The following POFUT3 variants were observed in gnomAD, a reference collection of about 807,000 sequenced individuals.
The protein encoded by POFUT3 is GDP-fucose protein O-fucosyltransferase 3.
the POFUT3 span, among the ~76,000 whole-genome samples, chr8:33,328,381 C>CA: frequency 7.3e-6 from 1 of 137,416 alleles, no homozygotes; most frequent in African/African-American, 2.7e-5. Flanking sequence ...AAAACAAAAA[C>CA]AAAAAACAAA....
the POFUT3 span, among the ~76,000 whole-genome samples, chr8:33,331,663 T>TTTGTTG: frequency 2.4e-4 from 36 of 151,414 alleles, no homozygotes; most frequent in African/African-American, 6.5e-4. Context: ...CTCTAAAGAT[T>TTTGTTG]TTGTTGTTGT....
At chr8:33,389,247 T>G in the POFUT3 span, 1 of 1,614,136 alleles carries the variant, frequency 6.2e-7, no homozygotes, top group Non-Finnish European at 8.5e-7. Flanking sequence ...TCTGTGATGC[T>G]GGGGGATCCG....
the POFUT3 span, among the ~76,000 whole-genome samples, chr8:33,450,461 A>G: frequency 1.3e-5 from 2 of 152,256 alleles, no homozygotes; most frequent in Non-Finnish European, 2.9e-5. Context: ...TTATTCTGAC[A>G]GGACAAATAC....
the POFUT3 span, among the ~76,000 whole-genome samples, chr8:33,451,283 A>C: frequency 6.6e-6 from 1 of 152,128 alleles, no homozygotes; most frequent in Admixed American, 6.6e-5. Context: ...TGGTGCTCAG[A>C]AAGTTTTGGA....
At chr8:33,314,121 C>G in the POFUT3 span, among the ~76,000 whole-genome samples, 2 of 152,098 alleles carry the variant, frequency 1.3e-5, no homozygotes, top group Non-Finnish European at 2.9e-5. Context: ...CCTATTTTTT[C>G]CCTGCTAATG....
At chr8:33,343,883 T>A in the POFUT3 span, among the ~76,000 whole-genome samples, 6 of 152,226 alleles carry the variant, frequency 3.9e-5, no homozygotes, top group Non-Finnish European at 8.8e-5. Flanking sequence ...TGTGTTCTCC[T>A]CTCATATGGC....
At chr8:33,347,445 AT>A in the POFUT3 span, among the ~76,000 whole-genome samples, 1 of 152,224 alleles carries the variant, frequency 6.6e-6, no homozygotes, top group African/African-American at 2.4e-5. Flanking sequence ...GATGCATTGA[AT>A]TTGAGGCATT....
the POFUT3 span, among the ~76,000 whole-genome samples, chr8:33,401,483 A>C: frequency 6.6e-6 from 1 of 152,218 alleles, no homozygotes; most frequent in Non-Finnish European, 1.5e-5. Flanking sequence ...TGTCGATTTC[A>C]GAGACATTCA....
the POFUT3 span, among the ~76,000 whole-genome samples, chr8:33,448,864 G>T: frequency 6.6e-6 from 1 of 151,856 alleles, no homozygotes; most frequent in Non-Finnish European, 1.5e-5. Flanking sequence ...AATCTGGGAG[G>T]CGGAGGTTTC....
chr8:33,448,225 A>AG, the POFUT3 span, among the ~76,000 whole-genome samples: 1 of 103,800 alleles, frequency 9.6e-6, no homozygotes, highest in Non-Finnish European at 2.3e-5. Context: ...AAGCACCTGT[A>AG]GTCCCAGCTA....
chr8:33,325,147 T>G, the POFUT3 span, among the ~76,000 whole-genome samples: 2 of 152,216 alleles, frequency 1.3e-5, no homozygotes, highest in East Asian at 3.8e-4. Flanking sequence ...TCTATCCTGG[T>G]GCCCACATCC....
At chr8:33,350,442 C>T in the POFUT3 span, among the ~76,000 whole-genome samples, 3 of 152,084 alleles carry the variant, frequency 2.0e-5, no homozygotes, top group South Asian at 2.1e-4. Context: ...TGAAAATCCA[C>T]GGCCAGCTCC....
At chr8:33,469,491 G>A in the POFUT3 span, among the ~76,000 whole-genome samples, 1 of 152,158 alleles carries the variant, frequency 6.6e-6, no homozygotes. Flanking sequence ...ACCAGTAGAG[G>A]ACAGTAAGGG....
the POFUT3 span, among the ~76,000 whole-genome samples, chr8:33,397,243 G>C: frequency 1.6e-4 from 25 of 152,184 alleles, no homozygotes. Context: ...ATCCAAGCAC[G>C]AAACAAAATT....
chr8:33,308,729 T>C, the POFUT3 span, among the ~76,000 whole-genome samples: 13 of 152,074 alleles, frequency 8.5e-5, no homozygotes, highest in Non-Finnish European at 1.8e-4. Context: ...CAAAAACAAG[T>C]TGACCTTTTT....
At chr8:33,384,161 G>A in the POFUT3 span, among the ~76,000 whole-genome samples, 1 of 152,016 alleles carries the variant, frequency 6.6e-6, no homozygotes, top group Non-Finnish European at 1.5e-5. Context: ...TTGGATTTCA[G>A]CCAGCCTGTC....
At chr8:33,387,880 G>A in the POFUT3 span, among the ~76,000 whole-genome samples, 42 of 152,306 alleles carry the variant, frequency 2.8e-4, no homozygotes, top group East Asian at 4.1e-3. Flanking sequence ...AATGATGGGT[G>A]ATAGGCAAGT....
At chr8:33,420,293 CA>C in the POFUT3 span, among the ~76,000 whole-genome samples, 11 of 151,796 alleles carry the variant, frequency 7.2e-5, no homozygotes, top group African/African-American at 2.7e-4. Context: ...ATAAAATATA[CA>C]AAAAAATGTA....
At chr8:33,387,771 T>C in the POFUT3 span, among the ~76,000 whole-genome samples, 6 of 152,048 alleles carry the variant, frequency 3.9e-5, no homozygotes, top group African/African-American at 1.4e-4. Flanking sequence ...GCCACTGCAC[T>C]CCAGCCTGGG....
Sources: gnomAD v4.1 joint callset for allele counts (sites outside exome capture counted in the v4.1 genomes callset) on GRCh38, gnomAD v4.1.1 for gene constraint, MANE v1.5 for transcripts, NCBI Gene and HGNC (gene_info 2026-07-23, HGNC 2026-07-21) for gene names.